Variants in DLG2 observed in about 807,000 individuals in gnomAD.
The protein encoded by DLG2 is disks large homolog 2.
A neutral mutation model predicts 132.5 loss-of-function variants in DLG2; 45 were observed. The ratio of observed to expected loss-of-function variants is 0.34; its 90% CI spans 0.27 to 0.44. The LOEUF (loss-of-function observed/expected upper bound fraction) is 0.44, where lower values mean the gene tolerates loss of function less well. DLG2 is among the 20% of genes least tolerant of loss of function. DLG2 has a pLI of 1.00. For synonymous variants in DLG2, 424 were observed against 419.6 expected (o/e 1.01, Z -0.13); for missense variants, 1,045 against 1,196.9 (o/e 0.87, Z 1.87).
intron 16 of DLG2, among the ~76,000 whole-genome samples, chr11:83,860,822 T>C (rs1237480582): frequency 6.6e-6 from 1 of 152,166 alleles, no homozygotes; most frequent in East Asian, 1.9e-4. Context: ...TGGGAGATAA[T>C]TGAATCATGT....
intron 7 of DLG2, among the ~76,000 whole-genome samples, chr11:84,490,639 C>CAT (rs1253329870): frequency 8.2e-6 from 1 of 122,174 alleles, no homozygotes; most frequent in Non-Finnish European, 1.6e-5. Context: ...CACACACACA[C>CAT]ATATATGAGC....
intron 3 of DLG2, among the ~76,000 whole-genome samples, chr11:85,305,482 G>A (rs1193073823): frequency 6.6e-6 from 1 of 152,096 alleles, no homozygotes; most frequent in African/African-American, 2.4e-5. Flanking sequence ...CAGAGAATCT[G>A]AAATAGGCTT....
At chr11:83,621,643 T>A (rs2061653317) in intron 19 of DLG2, among the ~76,000 whole-genome samples, 1 of 152,040 alleles carries the variant, frequency 6.6e-6, no homozygotes, top group Non-Finnish European at 1.5e-5. Flanking sequence ...TTTCTACATA[T>A]CATAAAAGCA....
chr11:85,080,863 A>G (rs1442797498), intron 6 of DLG2, among the ~76,000 whole-genome samples: 1 of 152,126 alleles, frequency 6.6e-6, no homozygotes, highest in Admixed American at 6.6e-5. Flanking sequence ...TAATTTTTCT[A>G]TTTGACAAGC....
At chr11:84,142,938 T>C (rs1239477265) in intron 9 of DLG2, among the ~76,000 whole-genome samples, 1 of 152,070 alleles carries the variant, frequency 6.6e-6, no homozygotes, top group African/African-American at 2.4e-5. Context: ...TCCCCTCATA[T>C]ATATATATAT....
chr11:84,965,321 T>A (rs931976987), intron 6 of DLG2, among the ~76,000 whole-genome samples: 2 of 151,836 alleles, frequency 1.3e-5, no homozygotes, highest in Non-Finnish European at 2.9e-5. Context: ...TAGAAAAAAA[T>A]TATGATATCA....
chr11:85,088,756 A>C (rs2068320009), intron 6 of DLG2, among the ~76,000 whole-genome samples: 1 of 152,210 alleles, frequency 6.6e-6, no homozygotes, highest in Non-Finnish European at 1.5e-5. Context: ...GAAAAATCAA[A>C]ATAGAAGCCC....
intron 4 of DLG2, among the ~76,000 whole-genome samples, chr11:85,159,098 C>T (rs1020705045): frequency 1.3e-5 from 2 of 152,252 alleles, no homozygotes; most frequent in East Asian, 3.9e-4. Flanking sequence ...GGTATCTGTG[C>T]ACTGGGGAAA....
chr11:84,822,899 T>A (rs557795710), intron 6 of DLG2, among the ~76,000 whole-genome samples: 87 of 152,038 alleles, frequency 5.7e-4, no homozygotes, highest in African/African-American at 2.1e-3. Flanking sequence ...ACTACGTGTA[T>A]AATTATCTCA....
rs182049478 is a variant in DLG2, at chr11:84,968,586, T to A, written c.357+143075A>T. ...CTGTACTTCTGTATGTTAAGAACAA[T>A]TATACTGAAATGTATGTTACTTTCT... On this transcript the variant is annotated intron_variant, in intron 6 of 27. Transcript: ENST00000376104. 3.9e-5 allele frequency among the ~76,000 whole-genome samples: 6 copies of A among 152,334 alleles called. No individual in the cohort carries two copies. In the East Asian group the frequency reaches 1.2e-3, roughly 29 times the overall value.
At chr11:83,627,215 T>C (rs2062691945) in intron 19 of DLG2, among the ~76,000 whole-genome samples, 2 of 152,040 alleles carry the variant, frequency 1.3e-5, no homozygotes, top group South Asian at 4.1e-4. Flanking sequence ...TTTTATTTTA[T>C]TATTATTATA....
At chr11:85,580,680 T>C (rs746417292) in intron 3 of DLG2, among the ~76,000 whole-genome samples, 1 of 152,208 alleles carries the variant, frequency 6.6e-6, no homozygotes, top group Non-Finnish European at 1.5e-5. Context: ...CCTAAAGTCA[T>C]ACAACTTGCA....
chr11:84,645,335 G>A (rs1329190110), intron 6 of DLG2, among the ~76,000 whole-genome samples: 1 of 152,116 alleles, frequency 6.6e-6, no homozygotes, highest in Non-Finnish European at 1.5e-5. Flanking sequence ...ATATAAAGGG[G>A]CCTAAAATAA....
At chr11:84,316,862 T>A (rs1244925749) in intron 7 of DLG2, 1 of 1,612,830 alleles carries the variant, frequency 6.2e-7, no homozygotes, top group East Asian at 2.2e-5. Flanking sequence ...GCAGGTACAA[T>A]GCTCCCCACA....
At chr11:84,726,772 T>C (rs1232789533) in intron 6 of DLG2, among the ~76,000 whole-genome samples, 4 of 152,088 alleles carry the variant, frequency 2.6e-5, no homozygotes, top group Non-Finnish European at 5.9e-5. Flanking sequence ...CTCTCCAGCA[T>C]CTGTTGTTTC....
At chr11:84,458,544 T>C (rs754696619) in intron 7 of DLG2, among the ~76,000 whole-genome samples, 4 of 150,930 alleles carry the variant, frequency 2.7e-5, no homozygotes, top group Non-Finnish European at 6.0e-5. Context: ...TTTGAATTTG[T>C]TGTAATTTTT....
At chr11:84,286,734 A>T (rs1483793610) in intron 7 of DLG2, among the ~76,000 whole-genome samples, 1 of 152,170 alleles carries the variant, frequency 6.6e-6, no homozygotes, top group African/African-American at 2.4e-5. Flanking sequence ...TGTCTGAGTG[A>T]GGACAGGGAA....
chr11:84,736,204 T>C (rs553033958), intron 6 of DLG2, among the ~76,000 whole-genome samples: 52 of 152,120 alleles, frequency 3.4e-4, no homozygotes, highest in African/African-American at 1.3e-3. Context: ...TATGGTTTAA[T>C]TTTGGACTCT....
At chr11:84,283,435 T>C (rs954450041) in intron 7 of DLG2, among the ~76,000 whole-genome samples, 1 of 152,242 alleles carries the variant, frequency 6.6e-6, no homozygotes, top group African/African-American at 2.4e-5. Context: ...ACCTGGCACA[T>C]AGTAAGCACT....
Sources: gnomAD v4.1 joint callset for allele counts (sites outside exome capture counted in the v4.1 genomes callset) on GRCh38, gnomAD v4.1.1 for gene constraint, MANE v1.5 for transcripts, NCBI Gene and HGNC (gene_info 2026-07-23, HGNC 2026-07-21) for gene names.